CNTNAP5: variants seen among roughly 807,000 people sequenced by gnomAD.
CNTNAP5 encodes the protein contactin-associated protein-like 5.
Under a neutral mutation model 150.2 loss-of-function variants are expected in CNTNAP5, and 72 were observed. The observed-to-expected ratio is 0.48, with a 90% CI of 0.40 to 0.58. The LOEUF (loss-of-function observed/expected upper bound fraction) is 0.58, where lower values mean the gene tolerates loss of function less well. Among genes scored for constraint, CNTNAP5 ranks in the 20% least tolerant of loss-of-function variants. The pLI is 0.00. For synonymous variants in CNTNAP5, 672 were observed against 619.8 expected, an observed-to-expected ratio of 1.08 and a Z score of -1.25; for missense variants, 1,636 against 1,626.2, an observed-to-expected ratio of 1.01 and a Z score of -0.10.
At chr2:124,651,076 C>T (rs757798298) in intron 13 of CNTNAP5, among the ~76,000 whole-genome samples, 12 of 152,076 alleles carry the variant, frequency 7.9e-5, no homozygotes, top group East Asian at 5.8e-4. Flanking sequence ...CGTTTCCCAG[C>T]GATAGATACT....
At chr2:124,549,673 T>C (rs1695587692) in intron 10 of CNTNAP5, among the ~76,000 whole-genome samples, 1 of 152,256 alleles carries the variant, frequency 6.6e-6, no homozygotes, top group African/African-American at 2.4e-5. Flanking sequence ...CAATAGTAGA[T>C]GTTTTTCAAT....
At chr2:124,779,509 A>T (rs1373609709) in intron 17 of CNTNAP5, among the ~76,000 whole-genome samples, 1 of 152,202 alleles carries the variant, frequency 6.6e-6, no homozygotes. Context: ...ACTTACACAC[A>T]TGTGTGCATG....
intron 17 of CNTNAP5, among the ~76,000 whole-genome samples, chr2:124,788,462 T>G (rs925975586): frequency 1.3e-5 from 2 of 152,236 alleles, no homozygotes; most frequent in Admixed American, 6.5e-5. Context: ...CAGCTTAATT[T>G]AAGGATTAAT....
At chr2:124,193,967 A>C (rs577073552) in intron 1 of CNTNAP5, among the ~76,000 whole-genome samples, 4 of 151,976 alleles carry the variant, frequency 2.6e-5, no homozygotes, top group Non-Finnish European at 1.5e-5. Context: ...AGCTGGTTTT[A>C]TTGCTGTCCA....
chr2:124,811,479 T>C (rs1682217670), intron 19 of CNTNAP5, among the ~76,000 whole-genome samples: 1 of 152,116 alleles, frequency 6.6e-6, no homozygotes, highest in Admixed American at 6.6e-5. Context: ...GAAAATTAGT[T>C]TTTTTCCCTA....
chr2:124,234,338 T>C (rs923688218), intron 2 of CNTNAP5, among the ~76,000 whole-genome samples: 17 of 152,164 alleles, frequency 1.1e-4, no homozygotes, highest in African/African-American at 4.1e-4. Flanking sequence ...CACTGGCCGA[T>C]AGAAAATTCT....
intron 8 of CNTNAP5, among the ~76,000 whole-genome samples, chr2:124,514,025 T>C (rs1441531832): frequency 2.0e-5 from 3 of 152,216 alleles, no homozygotes; most frequent in African/African-American, 7.2e-5. Flanking sequence ...GCTAAGATAA[T>C]GTTAATGAGA....
intron 19 of CNTNAP5, among the ~76,000 whole-genome samples, chr2:124,833,294 ACT>A (rs1156990128): frequency 6.6e-6 from 1 of 151,922 alleles, no homozygotes; most frequent in Non-Finnish European, 1.5e-5. Flanking sequence ...GCTGAATAAA[ACT>A]CAGCATTGGC....
At chr2:124,703,879 ACT>A (rs1305172681) in intron 13 of CNTNAP5, among the ~76,000 whole-genome samples, 3 of 152,138 alleles carry the variant, frequency 2.0e-5, no homozygotes, top group Non-Finnish European at 4.4e-5. Flanking sequence ...TGAATGACAC[ACT>A]CTTATCATTG....
At chr2:124,869,881 A>C (rs1677709858) in intron 21 of CNTNAP5, 119 bp downstream of exon 21, 3 of 515,204 alleles carry the variant, frequency 5.8e-6, no homozygotes, top group South Asian at 8.4e-5. Flanking sequence ...AATATCTGAG[A>C]TCTGAAACCA....
At chr2:124,176,842 G>GTTT (rs71394026) in intron 1 of CNTNAP5, among the ~76,000 whole-genome samples, 1,830 of 119,854 alleles carry the variant, frequency 0.015, 85 homozygotes, top group African/African-American at 0.056. Flanking sequence ...GTTATTGCTG[G>GTTT]TTTTTTTTTT....
intron 2 of CNTNAP5, among the ~76,000 whole-genome samples, chr2:124,229,033 C>T (rs1477690194): frequency 6.6e-6 from 1 of 152,088 alleles, no homozygotes. Flanking sequence ...AAACATTGAA[C>T]ATAAAGGACT....
chr2:124,131,135 G>T (rs1683833342), intron 1 of CNTNAP5, among the ~76,000 whole-genome samples: 1 of 152,062 alleles, frequency 6.6e-6, no homozygotes, highest in African/African-American at 2.4e-5. Flanking sequence ...TAAGACTTGG[G>T]TTATTGTACT....
In CNTNAP5 at chr2:124,707,713, T is replaced by G. The variant is rs892418574; in HGVS notation, c.2078-39516T>G. On this transcript the variant is annotated intron_variant, in intron 13 of 23. Transcript: ENST00000682447. ...CATGACATCTAACAAACCTAACACC[T>G]CTCTACCTCACTTTCTATTTCTGTA... Among the ~76,000 whole-genome samples, 7 of 152,250 alleles carry G rather than the reference T, an allele frequency of 4.6e-5. No individual in the cohort carries two copies. The East Asian group carries it at 5.8e-4, about 13-fold the overall frequency.
chr2:124,578,522 C>T (rs948267524), intron 11 of CNTNAP5, among the ~76,000 whole-genome samples: 1 of 151,932 alleles, frequency 6.6e-6, no homozygotes, highest in Non-Finnish European at 1.5e-5. Flanking sequence ...AGACAGCATC[C>T]CTACTTCAGA....
chr2:124,253,142 G>A (rs1687228227), intron 3 of CNTNAP5, among the ~76,000 whole-genome samples: 1 of 151,656 alleles, frequency 6.6e-6, no homozygotes, highest in African/African-American at 2.4e-5. Context: ...AAAATGGTGG[G>A]TAACAAAATC....
intron 1 of CNTNAP5, among the ~76,000 whole-genome samples, chr2:124,158,908 A>C (rs1175027813): frequency 6.6e-6 from 1 of 152,212 alleles, no homozygotes; most frequent in Non-Finnish European, 1.5e-5. Context: ...AGTGCTTCAC[A>C]ATAGACAGAA....
intron 13 of CNTNAP5, among the ~76,000 whole-genome samples, chr2:124,661,869 A>AAT (rs888953559): frequency 1.3e-5 from 2 of 151,862 alleles, no homozygotes; most frequent in Non-Finnish European, 2.9e-5. Flanking sequence ...ATCTTTTTTT[A>AAT]ATATATATAT....
intron 4 of CNTNAP5, among the ~76,000 whole-genome samples, chr2:124,421,217 C>T (rs1289711790): frequency 2.6e-5 from 4 of 152,144 alleles, no homozygotes; most frequent in Non-Finnish European, 5.9e-5. Flanking sequence ...CATGGCCTGA[C>T]CTCAGAGATG....
Sources: allele counts gnomAD v4.1 joint callset (sites outside exome capture counted in the v4.1 genomes callset), GRCh38; gene constraint gnomAD v4.1.1; transcripts MANE v1.5; gene names NCBI Gene and HGNC (gene_info 2026-07-23, HGNC 2026-07-21).